Variants in UTP18 observed in about 807,000 individuals in gnomAD.
UTP18 encodes U3 small nucleolar RNA-associated protein 18 homolog.
UTP18 carries 36 observed loss-of-function variants against 61.1 expected under a neutral mutation model. That is an observed-to-expected ratio of 0.59 (90% CI 0.45 to 0.78). UTP18 has a LOEUF of 0.78. Among genes scored for constraint, UTP18 ranks in the 30% least tolerant of loss-of-function variants. The pLI, the probability that UTP18 is intolerant of heterozygous loss-of-function variation, is 0.00. For synonymous variants in UTP18, 282 were observed against 251.1 expected, an observed-to-expected ratio of 1.12 and a Z score of -1.16; for missense variants, 753 against 693.9, an observed-to-expected ratio of 1.09 and a Z score of -0.96.
At chr17:51,287,038 A>G (rs1905138368) in intron 10 of UTP18, among the ~76,000 whole-genome samples, 2 of 137,408 alleles carry the variant, frequency 1.5e-5, no homozygotes, top group East Asian at 4.7e-4. Flanking sequence ...CATTATAAGT[A>G]GTTTTAAGAA....
At chr17:51,287,652 C>G (rs529003206) in intron 10 of UTP18, among the ~76,000 whole-genome samples, 1 of 152,220 alleles carries the variant, frequency 6.6e-6, no homozygotes, top group South Asian at 2.1e-4. Flanking sequence ...ACTAAAGGCA[C>G]TGATTTGGAT....
intron 3 of UTP18, among the ~76,000 whole-genome samples, chr17:51,268,485 A>C (rs1041355154): frequency 2.6e-5 from 4 of 152,228 alleles, no homozygotes; most frequent in South Asian, 2.1e-4. Flanking sequence ...TGTGTAGTCT[A>C]TGTACTGTGG....
At position 51,296,764 on chromosome 17, in the gene UTP18, T is replaced by C. The variant is rs1905377810; in HGVS notation, c.1647-201T>C. 4 of 515,858 alleles carry C rather than the reference T, an allele frequency of 7.8e-6. No homozygotes were observed. In the East Asian group the frequency reaches 1.4e-4, roughly 17 times the overall value. 32.0% of individuals were successfully genotyped at this position (515,858 alleles called of 1,614,324 possible). On this transcript the variant is annotated intron_variant, in intron 12 of 13. Coordinates refer to ENST00000225298, the MANE Select transcript of UTP18 (RefSeq NM_016001.3). ...CCCATGTGAAACTTTGGAGTAAGCC[T>C]ACTCATGTTACCTAAAATCTGAGGC... is the stretch of plus-strand genomic sequence containing the variant.
At chr17:51,282,641 G>C (rs965505190) in intron 9 of UTP18, among the ~76,000 whole-genome samples, 1 of 152,068 alleles carries the variant, frequency 6.6e-6, no homozygotes, top group African/African-American at 2.4e-5. Context: ...GAGGTGGGGA[G>C]GGTTGGTCAG....
intron 10 of UTP18, chr17:51,286,662 C>G (rs1405532211): frequency 2.3e-6 from 1 of 436,000 alleles, no homozygotes; most frequent in African/African-American, 2.0e-5. Flanking sequence ...CCCTTCCTTT[C>G]CTACCCATAC....
In UTP18 at chr17:51,288,809, A is replaced by G. The variant is rs145532149; in HGVS notation, c.1503+606A>G. Reference sequence around the variant, plus strand: ...TACAAAGCAAAATCAGCAAAGGGAAAGGGTACATGGAGTAAAGTCCGGAGG... The same window carrying G: ...TACAAAGCAAAATCAGCAAAGGGAAGGGGTACATGGAGTAAAGTCCGGAGG... On this transcript the variant is annotated intron_variant, in intron 11 of 13. Transcript: ENST00000225298. Among the ~76,000 whole-genome samples, 837 of 152,328 alleles carry G rather than the reference A, an allele frequency of 5.5e-3. 4 individuals are homozygous for G. Among genetic ancestry groups the G allele is most frequent in the Middle Eastern group, 0.031 (9 of 294 alleles).
At position 51,277,181 on chromosome 17, in the gene UTP18, C is replaced by T. The variant is rs779648109; in HGVS notation, c.889C>T (p.Pro297Ser). The T allele has an allele frequency of 2.5e-6, 4 of 1,614,082 alleles. No homozygotes were observed. The highest frequency in any genetic ancestry group is 3.4e-6 in the Non-Finnish European group (4 of 1,180,000). The change falls in exon 7 of 14, where the codon CCA becomes TCA. Residue 297 changes from proline to serine, a missense_variant. Physicochemically the swap from Pro to Ser is moderately conservative, Grantham distance 74. Transcript: ENST00000225298. The stretch of plus-strand genomic sequence containing the variant: ...TCAGAGCATCTATTTGGAAAGGTTT[C>T]CAATCTTTAAGGCTTGTTTTAGTGC... ...KIQSIYLERFPIFKACFSANG... is the reference protein window; with the variant it reads ...KIQSIYLERFSIFKACFSANG...
chr17:51,295,266 T>C (rs1252232313), intron 12 of UTP18, among the ~76,000 whole-genome samples: 7 of 152,150 alleles, frequency 4.6e-5, no homozygotes, highest in South Asian at 2.1e-4. Context: ...AGACATGAAG[T>C]CCTTGCCCAT....
chr17:51,296,778 A>C (rs1905378321), intron 12 of UTP18, 187 bp from the exon 13 acceptor site: 2 of 531,928 alleles, frequency 3.8e-6, no homozygotes, highest in Non-Finnish European at 6.5e-6. Flanking sequence ...CATGTTACCT[A>C]AAATCTGAGG....
rs566392597 is a variant in UTP18 at position 51,261,347 on chromosome 17, A to G, written c.342+421A>G. Among the ~76,000 whole-genome samples the G allele has an allele frequency of 2.5e-4, 38 of 152,296 alleles. No homozygotes were observed. In the East Asian group the frequency reaches 2.9e-3, roughly 12 times the overall value. ...GGGCCTGGGCATCTCCGTTGTAACT[A>G]TGTCCCCATGTGACTATGAGACCCA... On this transcript the variant is annotated intron_variant, in intron 1 of 13. Coordinates refer to ENST00000225298, the MANE Select transcript of UTP18 (RefSeq NM_016001.3).
chr17:51,269,878 A>G (rs1404095502), intron 4 of UTP18, among the ~76,000 whole-genome samples: 1 of 147,658 alleles, frequency 6.8e-6, no homozygotes, highest in Non-Finnish European at 1.5e-5. Flanking sequence ...TGTCAGTGTC[A>G]GAATCTCACT....
Position 51,260,546 on chromosome 17 carries a change from G to A in UTP18, c.-39G>A, listed in dbSNP as rs769939760. 1.3e-6 allele frequency: 2 copies of A among 1,587,286 alleles called. No homozygotes were observed. The highest frequency in any genetic ancestry group is 3.6e-5 in the Admixed American group (2 of 54,896). On this transcript the variant is annotated 5_prime_UTR_variant, in exon 1 of 14. Coordinates refer to ENST00000225298, the MANE Select transcript of UTP18 (RefSeq NM_016001.3). ...GGGGCCTGGGCGCATGCGCAGCGAG[G>A]TTCCACGTGAGCGCCTGCGTTTCTC...
chr17:51,286,264 T>C (rs956347397), intron 10 of UTP18, among the ~76,000 whole-genome samples: 1 of 152,202 alleles, frequency 6.6e-6, no homozygotes, highest in Admixed American at 6.5e-5. Flanking sequence ...GATGAGGCAT[T>C]GGATACTTCG....
chr17:51,289,909 A>G (rs1844517576), intron 11 of UTP18, among the ~76,000 whole-genome samples: 3 of 152,232 alleles, frequency 2.0e-5, no homozygotes, highest in Non-Finnish European at 4.4e-5. Context: ...TAAACAGTTA[A>G]TAAAGGGCAG....
chr17:51,283,360 G>T (rs1905010900), intron 9 of UTP18, among the ~76,000 whole-genome samples: 1 of 151,754 alleles, frequency 6.6e-6, no homozygotes, highest in Non-Finnish European at 1.5e-5. Context: ...TAGAGACAGG[G>T]TTTCATCATG....
At chr17:51,266,456 CAAAG>C (rs1400639684) in intron 3 of UTP18, among the ~76,000 whole-genome samples, 176 bp downstream of exon 3, 60 of 151,862 alleles carry the variant, frequency 4.0e-4, no homozygotes, top group Non-Finnish European at 7.4e-5. Flanking sequence ...AACACAGACA[CAAAG>C]AAAATTTGGA....
At chr17:51,278,775 G>A (rs1904814115) in intron 7 of UTP18, among the ~76,000 whole-genome samples, 1 of 152,136 alleles carries the variant, frequency 6.6e-6, no homozygotes, top group Non-Finnish European at 1.5e-5. Flanking sequence ...CAGTACATAC[G>A]GTTTATTCAG....
chr17:51,278,931 A>G (rs1169856107), intron 7 of UTP18, among the ~76,000 whole-genome samples: 1 of 152,186 alleles, frequency 6.6e-6, no homozygotes, highest in African/African-American at 2.4e-5. Flanking sequence ...AAGCAAGGGA[A>G]CTAAGATGTA....
intron 13 of UTP18, among the ~76,000 whole-genome samples, 195 bp downstream of exon 13, chr17:51,297,198 C>T (rs1380899160): frequency 6.6e-6 from 1 of 152,170 alleles, no homozygotes; most frequent in Non-Finnish European, 1.5e-5. Context: ...TCCCAAATCA[C>T]AGCAATCTGG....
Sources: allele counts gnomAD v4.1 joint callset (sites outside exome capture counted in the v4.1 genomes callset), GRCh38; gene constraint gnomAD v4.1.1; transcripts MANE v1.5; gene names NCBI Gene and HGNC (gene_info 2026-07-23, HGNC 2026-07-21).